TRIM29: variants seen among roughly 807,000 people sequenced by gnomAD.
TRIM29 encodes tripartite motif-containing protein 29.
TRIM29 carries 52 observed loss-of-function variants against 57.3 expected under a neutral mutation model. That is an observed-to-expected ratio of 0.91 (90% CI 0.73 to 1.14). TRIM29 has a LOEUF of 1.14. Ranked by LOEUF, TRIM29 falls within the 50% of genes most tolerant of loss-of-function variation. The probability of loss-of-function intolerance (pLI) is 0.00; values close to 1 mark genes in which losing one functional copy is unlikely to be tolerated. For synonymous variants in TRIM29, 319 were observed against 316.9 expected, an observed-to-expected ratio of 1.01 and a Z score of -0.07; for missense variants, 753 against 774.6, an observed-to-expected ratio of 0.97 and a Z score of 0.33.
rs72245071 is a variant in TRIM29 at position 120,122,131 on chromosome 11, A to AGTGTGTGTGTGTGTGT, written c.1435+807_1435+822dup. 8.8e-4 allele frequency: 179 copies of AGTGTGTGTGTGTGTGT among 204,018 alleles called. 1 individual carries two copies. Among genetic ancestry groups the AGTGTGTGTGTGTGTGT allele is most frequent in the African/African-American group, 1.8e-3 (66 of 35,698 alleles). 12.6% of individuals were successfully genotyped at this position (204,018 alleles called of 1,614,324 possible). On this transcript the variant is annotated intron_variant, in intron 5 of 8. Coordinates refer to ENST00000341846, the MANE Select transcript of TRIM29 (RefSeq NM_012101.4). ...CCAAGCCTCTCCCATTGTGTGTGTG[A>AGTGTGTGTGTGTGTGT]GTGTGTGTGTGTGTGTGTGTGTGTG...
chr11:120,130,248 C>T (rs1032619700), intron 1 of TRIM29, among the ~76,000 whole-genome samples: 6 of 152,186 alleles, frequency 3.9e-5, no homozygotes, highest in Non-Finnish European at 7.3e-5. Context: ...AAGCACCTTT[C>T]TCATCCCTGG....
chr11:120,118,413 C>G (rs1863340471), intron 6 of TRIM29, 92 bp from the exon 7 acceptor site: 1 of 955,110 alleles, frequency 1.0e-6, no homozygotes, highest in Non-Finnish European at 1.6e-6. Flanking sequence ...GACTCTCTAG[C>G]CGCTGGCCAC....
At chr11:120,133,849 G>A (rs541841800) in intron 1 of TRIM29, among the ~76,000 whole-genome samples, 1 of 152,300 alleles carries the variant, frequency 6.6e-6, no homozygotes, top group African/African-American at 2.4e-5. Context: ...GAGGAGGTGT[G>A]AGGCTAAGCC....
At chr11:120,112,829 C>A (rs768086802) in intron 8 of TRIM29, among the ~76,000 whole-genome samples, 55 of 152,298 alleles carry the variant, frequency 3.6e-4, no homozygotes, top group Middle Eastern at 6.8e-3. Context: ...CACAGAACTT[C>A]ACAGCACTGT....
In TRIM29 at chr11:120,118,221, A is replaced by G; in HGVS notation, c.1627+2T>C. On this transcript the variant is annotated splice_donor_variant, in intron 7 of 8. Transcript: ENST00000341846. LOFTEE classifies it high-confidence loss of function. ...AGCAGGGGCCAGGGTGGGCAAGCTCACCTTTCAGGGAGAAGGAGGAGCTGC... is the reference window on the plus strand; with the variant it reads ...AGCAGGGGCCAGGGTGGGCAAGCTCGCCTTTCAGGGAGAAGGAGGAGCTGC... The G allele has an allele frequency of 6.2e-7, 1 of 1,613,518 alleles. No individual in the cohort carries two copies. Among genetic ancestry groups the G allele is most frequent in the Non-Finnish European group, 8.5e-7 (1 of 1,179,618 alleles).
intron 1 of TRIM29, among the ~76,000 whole-genome samples, chr11:120,132,536 T>C (rs548322566): frequency 6.6e-6 from 1 of 152,048 alleles, no homozygotes; most frequent in African/African-American, 2.4e-5. Context: ...TGAGCAGAGG[T>C]TTTCCCGAGA....
In TRIM29 at chr11:120,137,268, T is replaced by C; in HGVS notation, c.764A>G (p.His255Arg). 1 of 1,614,176 alleles carries C rather than the reference T, an allele frequency of 6.2e-7. No individual in the cohort carries two copies. The highest frequency in any genetic ancestry group is 8.5e-7 in the Non-Finnish European group (1 of 1,180,034). The change falls in exon 1 of 9, where the codon CAT (histidine) becomes CGT (arginine). Residue 255 changes from histidine (H) to arginine (R), a missense_variant. His to Arg is a conservative substitution (Grantham distance 29). Coordinates refer to ENST00000341846, the MANE Select transcript of TRIM29 (RefSeq NM_012101.4). The surrounding 1 kb of genome is among the most constrained non-coding windows in gnomAD (Gnocchi z 6.2). ...GGCCTCCTCCACTGTCACGGTGCTA[T>C]GATTCTTGTGCTCCTGGAACATGCA... is the stretch of plus-strand genomic sequence containing the variant. Reference protein sequence around the residue: ...YLCMFQEHKNHSTVTVEEAKA... With the variant: ...YLCMFQEHKNRSTVTVEEAKA...
intron 2 of TRIM29, 85 bp downstream of exon 2, chr11:120,128,315 A>G (rs1200912548): frequency 2.6e-6 from 3 of 1,167,746 alleles, no homozygotes; most frequent in Non-Finnish European, 3.7e-6. Flanking sequence ...TGGGCCTGGG[A>G]CTCAAATGGG....
chr11:120,115,274 G>A (rs1329191252), intron 8 of TRIM29, 64 bp downstream of exon 8: 7 of 1,534,556 alleles, frequency 4.6e-6, no homozygotes, highest in African/African-American at 1.4e-5. Flanking sequence ...TTGCCTCCAG[G>A]GAGCCCCCTT....
At chr11:120,120,535 A>G in intron 6 of TRIM29, 38 bp downstream of exon 6, 4 of 1,586,032 alleles carry the variant, frequency 2.5e-6, no homozygotes, top group Non-Finnish European at 3.4e-6. Flanking sequence ...ACAGCCCCAC[A>G]TGAACTCTGT....
At position 120,115,348 on chromosome 11, in the gene TRIM29, T is replaced by C. The variant is rs200596263; in HGVS notation, c.1694A>G (p.Gln565Arg). 2 of 1,613,592 alleles carry C rather than the reference T, an allele frequency of 1.2e-6. No individual in the cohort carries two copies. Among genetic ancestry groups the C allele is most frequent in the Non-Finnish European group, 1.7e-6 (2 of 1,179,840 alleles). ...CAGCACTTCCCTTACCAGCATAGTC[T>C]GCTTGCCAGATTTCCAAGTCTGGGG... is the stretch of plus-strand genomic sequence containing the variant. ...AQPQTWKSGKQTMLSHYRPFY... is the reference protein window; with the variant it reads ...AQPQTWKSGKRTMLSHYRPFY... The change falls in exon 8 of 9, where the codon CAG (glutamine) becomes CGG (arginine). Residue 565 changes from glutamine (Q) to arginine (R), a missense_variant. Gln to Arg is a conservative substitution (Grantham distance 43). Transcript: ENST00000341846.
rs538126872 is a variant in TRIM29, at chr11:120,111,990, T to C, written c.*424A>G. Reference sequence around the variant, plus strand: ...GCTGTCCAGGCATCTGCTGACAACATTGGGGGATAGGGCCTTGGAGAGAAA... The same window carrying C: ...GCTGTCCAGGCATCTGCTGACAACACTGGGGGATAGGGCCTTGGAGAGAAA... On this transcript the variant is annotated 3_prime_UTR_variant, in exon 9 of 9. Coordinates refer to ENST00000341846, the MANE Select transcript of TRIM29 (RefSeq NM_012101.4). 2.6e-4 allele frequency: 52 copies of C among 202,866 alleles called. No homozygotes were observed. Among genetic ancestry groups the C allele is most frequent in the Middle Eastern group, 1.9e-3 (1 of 540 alleles). The allele number at this position is 202,866 out of a possible 1,614,324, so 12.6% of individuals were successfully genotyped here. A position where few individuals can be genotyped will look rare whatever the true frequency, so the allele number is the denominator to read the frequency against.
At chr11:120,125,973 A>G (rs2135012396) in intron 3 of TRIM29, 84 bp from the exon 4 acceptor site, 1 of 1,372,806 alleles carries the variant, frequency 7.3e-7, no homozygotes, top group African/African-American at 1.4e-5. Flanking sequence ...CTCACAGTGC[A>G]GCTGGGGGTC....
At chr11:120,117,841 C>T in intron 7 of TRIM29, 1 of 239,486 alleles carries the variant, frequency 4.2e-6, no homozygotes, top group Non-Finnish European at 8.2e-6. Flanking sequence ...TGCCCCATGG[C>T]CACAGGACCC....
rs891498794 is a variant in TRIM29 at position 120,111,622 on chromosome 11, A to G, written c.*792T>C. The G allele has an allele frequency of 3.3e-5, 5 of 152,230 alleles. No homozygotes were observed. The highest frequency in any genetic ancestry group is 1.2e-4 in the African/African-American group (5 of 41,460). The allele number at this position is 152,230 out of a possible 1,614,324, so 9.4% of individuals were successfully genotyped here. ...AGACTGAATGAAATTCTGTAGGCAA[A>G]TGGTAAATGGTAGCTGGGCCAGTAG... On this transcript the variant is annotated 3_prime_UTR_variant, in exon 9 of 9. Coordinates refer to ENST00000341846, the MANE Select transcript of TRIM29 (RefSeq NM_012101.4).
At chr11:120,125,984 T>G in intron 3 of TRIM29, 95 bp from the exon 4 acceptor site, 1 of 1,258,418 alleles carries the variant, frequency 7.9e-7, no homozygotes, top group East Asian at 2.4e-5. Flanking sequence ...GCTGGGGGTC[T>G]CAGCGCTGCA....
chr11:120,118,076 T>C, intron 7 of TRIM29, 147 bp downstream of exon 7: 1 of 726,120 alleles, frequency 1.4e-6, no homozygotes, highest in Non-Finnish European at 2.4e-6. Context: ...GCAAAGACCA[T>C]GGCGGTAGCT....
intron 4 of TRIM29, 64 bp downstream of exon 4, chr11:120,125,627 G>A (rs1054497261): frequency 2.5e-6 from 4 of 1,570,212 alleles, no homozygotes; most frequent in Non-Finnish European, 3.5e-6. Context: ...ATGTCAGGCA[G>A]CAGGAATTGA....
intron 5 of TRIM29, among the ~76,000 whole-genome samples, chr11:120,122,208 C>G (rs554401119): frequency 1.4e-4 from 21 of 151,944 alleles, no homozygotes; most frequent in African/African-American, 4.8e-4. Context: ...AGGCTTCCCC[C>G]TCCCCAGCCC....
Sources: gnomAD v4.1 joint callset for allele counts (sites outside exome capture counted in the v4.1 genomes callset) on GRCh38, gnomAD v4.1.1 for gene constraint, Gnocchi (gnomAD v3.1) non-coding constraint, MANE v1.5 for transcripts, NCBI Gene and HGNC (gene_info 2026-07-23, HGNC 2026-07-21) for gene names.